MALRD1: variants seen among roughly 807,000 people sequenced by gnomAD.
MALRD1 encodes the protein MAM and LDL receptor class A domain containing 1.
Under a neutral mutation model 242.1 loss-of-function variants are expected in MALRD1, and 247 were observed. The observed-to-expected ratio is 1.02, with a 90% CI of 0.92 to 1.13. The LOEUF is 1.13. MALRD1 is among the 50% of genes most tolerant of loss of function. The probability of loss-of-function intolerance (pLI) is 0.00; values close to 1 mark genes in which losing one functional copy is unlikely to be tolerated. For missense variants in MALRD1, 2,989 were observed against 2,533.1 expected (o/e 1.18, Z -3.86); for synonymous variants, 995 against 866.6 (o/e 1.15, Z -2.60).
chr10:19,352,130 GAGA>G lies in MALRD1; in HGVS notation c.4279_4281del (p.Glu1427del), dbSNP rs761207477. 5 of 1,550,578 alleles carry G rather than the reference GAGA, an allele frequency of 3.2e-6. No individual in the cohort carries two copies. Among genetic ancestry groups the G allele is most frequent in the African/African-American group, 2.7e-5 (2 of 73,144 alleles). The stretch of plus-strand genomic sequence containing the variant: ...GTAGAACAAGGCAATTTCTGGCGGA[GAGA>G]AGAACTGTCACTGTTTGGTGATGAA... On this transcript the variant is annotated inframe_deletion, in exon 26 of 40. Coordinates refer to ENST00000454679, the MANE Select transcript of MALRD1 (RefSeq NM_001142308.3).
At chr10:19,683,371 C>T (rs553160462) in intron 36 of MALRD1, among the ~76,000 whole-genome samples, 6 of 152,310 alleles carry the variant, frequency 3.9e-5, no homozygotes, top group South Asian at 2.1e-4. Flanking sequence ...GATTGTGTAG[C>T]AAATAGCTTG....
intron 29 of MALRD1, among the ~76,000 whole-genome samples, chr10:19,461,948 G>A (rs1444894210): frequency 6.6e-6 from 1 of 152,108 alleles, no homozygotes; most frequent in African/African-American, 2.4e-5. Flanking sequence ...CATTGTTGCA[G>A]GCATCCTTTA....
rs541473101 is a variant in MALRD1 at position 19,685,679 on chromosome 10, T to A, written c.6138-6603T>A. On this transcript the variant is annotated intron_variant, in intron 36 of 39. Transcript: ENST00000454679. ...TTTGAAGGCTCTGTCTTCCTATCAA[T>A]TGATTTTATCCCTAGGCTGCTTATT... 2.0e-5 allele frequency among the ~76,000 whole-genome samples: 3 copies of A among 152,328 alleles called. No homozygotes were observed. The South Asian group carries it at 6.2e-4, about 32-fold the overall frequency.
chr10:19,315,757 AAT>A (rs904127604), intron 21 of MALRD1, among the ~76,000 whole-genome samples: 11 of 140,974 alleles, frequency 7.8e-5, no homozygotes, highest in African/African-American at 2.3e-4. Context: ...TCTAATATGT[AAT>A]ATATATGTAT....
intron 26 of MALRD1, among the ~76,000 whole-genome samples, chr10:19,360,664 T>TA (rs1844853444): frequency 6.6e-6 from 1 of 152,116 alleles, no homozygotes; most frequent in Admixed American, 6.6e-5. Context: ...ATTTTTAATA[T>TA]ACTTAAATTG....
intron 38 of MALRD1, among the ~76,000 whole-genome samples, chr10:19,700,102 AAAGTC>A (rs1833558852): frequency 6.6e-6 from 1 of 151,858 alleles, no homozygotes; most frequent in African/African-American, 2.4e-5. Context: ...CAACAACAGA[AAAGTC>A]AAGCCAAAAA....
intron 7 of MALRD1, among the ~76,000 whole-genome samples, chr10:19,125,242 G>A (rs944680013): frequency 4.0e-5 from 6 of 151,586 alleles, no homozygotes; most frequent in Admixed American, 6.6e-5. Flanking sequence ...CATCATGCCC[G>A]GCCAAGTCGG....
chr10:19,237,808 T>G (rs1838431605), intron 18 of MALRD1, among the ~76,000 whole-genome samples: 1 of 122,608 alleles, frequency 8.2e-6, no homozygotes, highest in South Asian at 2.4e-4. Context: ...TAATTATAAT[T>G]ATATAGAATT....
At chr10:19,537,531 T>A (rs1834745943) in intron 32 of MALRD1, among the ~76,000 whole-genome samples, 2 of 152,186 alleles carry the variant, frequency 1.3e-5, no homozygotes, top group Admixed American at 1.3e-4. Flanking sequence ...TTTCTCCAGA[T>A]ATTCACAAGG....
intron 14 of MALRD1, among the ~76,000 whole-genome samples, chr10:19,203,368 C>T (rs1213622607): frequency 1.3e-5 from 2 of 152,034 alleles, no homozygotes; most frequent in Admixed American, 1.3e-4. Context: ...CCTGCAGGAA[C>T]AATGATGCCT....
chr10:19,298,931 G>T (rs536677516), intron 21 of MALRD1, among the ~76,000 whole-genome samples: 1 of 149,844 alleles, frequency 6.7e-6, no homozygotes, highest in Non-Finnish European at 1.5e-5. Context: ...ATGTATCAGA[G>T]AAAAAAAAAT....
At chr10:19,272,291 AC>A (rs1840286271) in intron 19 of MALRD1, among the ~76,000 whole-genome samples, 1 of 152,084 alleles carries the variant, frequency 6.6e-6, no homozygotes, top group Admixed American at 6.5e-5. Flanking sequence ...TTTGAAGGAC[AC>A]CATACAAAAC....
At chr10:19,638,482 G>A (rs917426940) in intron 36 of MALRD1, among the ~76,000 whole-genome samples, 1 of 152,152 alleles carries the variant, frequency 6.6e-6, no homozygotes, top group African/African-American at 2.4e-5. Context: ...AATTGAGTAT[G>A]AGTGAGGGAT....
chr10:19,319,425 A>G (rs1043056100), intron 21 of MALRD1, among the ~76,000 whole-genome samples: 2 of 152,238 alleles, frequency 1.3e-5, no homozygotes, highest in African/African-American at 4.8e-5. Flanking sequence ...CTTTTCATAA[A>G]TCAGATGTCC....
In MALRD1 at chr10:19,586,202, G is replaced by A. The variant is rs529536727; in HGVS notation, c.5681-8992G>A. 2.4e-3 allele frequency among the ~76,000 whole-genome samples: 360 copies of A among 152,108 alleles called. 1 individual carries two copies. Among genetic ancestry groups the A allele is most frequent in the Non-Finnish European group, 4.0e-3 (271 of 67,990 alleles). On this transcript the variant is annotated intron_variant, in intron 33 of 39. Coordinates refer to ENST00000454679, the MANE Select transcript of MALRD1 (RefSeq NM_001142308.3). ...TCCCATAGCTCGGAATAATTTGATC[G>A]TCTGAAGCCTTCTTCTCTCAGCTCG...
At chr10:19,643,589 G>C (rs1840505245) in intron 36 of MALRD1, among the ~76,000 whole-genome samples, 1 of 152,218 alleles carries the variant, frequency 6.6e-6, no homozygotes, top group East Asian at 1.9e-4. Context: ...CATTAGAGTA[G>C]AAAAATCAGC....
intron 38 of MALRD1, among the ~76,000 whole-genome samples, chr10:19,714,158 T>C (rs542508671): frequency 2.0e-5 from 3 of 152,316 alleles, no homozygotes; most frequent in African/African-American, 7.2e-5. Context: ...TTCTGTTTCC[T>C]GGATTCTTGC....
chr10:19,444,018 A>T (rs1460715067), intron 28 of MALRD1, among the ~76,000 whole-genome samples: 1 of 152,190 alleles, frequency 6.6e-6, no homozygotes, highest in Non-Finnish European at 1.5e-5. Flanking sequence ...TATATTTAGA[A>T]TAGTTAGCCC....
At chr10:19,235,575 C>CCG (rs1163013231) in intron 18 of MALRD1, among the ~76,000 whole-genome samples, 1 of 64,536 alleles carries the variant, frequency 1.5e-5, no homozygotes, top group East Asian at 5.4e-4. Flanking sequence ...ACACCCACAC[C>CCG]CACAGAGAGA....
Sources: allele counts gnomAD v4.1 joint callset (sites outside exome capture counted in the v4.1 genomes callset), GRCh38; gene constraint gnomAD v4.1.1; transcripts MANE v1.5; gene names NCBI Gene and HGNC (gene_info 2026-07-23, HGNC 2026-07-21).